AKAP9: variants seen among roughly 807,000 people sequenced by gnomAD.
AKAP9 encodes A-kinase anchor protein 9.
AKAP9 carries 311 observed loss-of-function variants against 488.5 expected under a neutral mutation model. That is an observed-to-expected ratio of 0.64 (90% CI 0.58 to 0.70). The LOEUF is 0.70. Ranked by LOEUF, AKAP9 falls within the 30% of genes least tolerant of loss-of-function variation. AKAP9 has a pLI of 0.00. For synonymous variants in AKAP9, 1,462 were observed against 1,483.5 expected (o/e 0.99, Z 0.33); for missense variants, 4,215 against 4,374.5 (o/e 0.96, Z 1.03).
At position 92,016,130 on chromosome 7, in the gene AKAP9, C is replaced by G. The variant is rs1180421954; in HGVS notation, c.3614C>G (p.Thr1205Ser). The stretch of plus-strand genomic sequence containing the variant: ...AATACACAATTTTGTTGTTAACAGA[C>G]TTTATGCAGTGTCCTTGGTGAATAT... The part of the protein sequence containing the change: ...VSEECSYFLQ[T>S]LCSVLGEYYT... The change falls in exon 11 of 50, where the codon ACT becomes AGT. Residue 1205 changes from threonine (T) to serine (S), a missense_variant and splice_region_variant. This residue lies in a region of AKAP9 where 2,361 missense variants were observed against 2,430.0 expected (regional missense o/e 0.97). Transcript: ENST00000356239. The G allele has an allele frequency of 1.2e-6, 2 of 1,601,458 alleles. No homozygotes were observed. The highest frequency in any genetic ancestry group is 2.2e-5 in the East Asian group (1 of 44,638).
Position 92,065,279 on chromosome 7 carries a change from A to G in AKAP9, c.6026A>G (p.Gln2009Arg), listed in dbSNP as rs780100627. 7 of 1,612,782 alleles carry G rather than the reference A, an allele frequency of 4.3e-6. No homozygotes were observed. The Admixed American group carries it at 5.0e-5, about 12-fold the overall frequency. ...EKLMKEKLEV[Q>R]CQAEKVRDDL... Reference sequence around the variant, plus strand: ...TTAATGAAGGAAAAACTAGAAGTACAATGTCAAGCTGAAAAAGTACGTGAT... The same window carrying G: ...TTAATGAAGGAAAAACTAGAAGTACGATGTCAAGCTGAAAAAGTACGTGAT... Residue 2009 changes from glutamine to arginine, a missense_variant, in exon 25 of 50, where the codon CAA becomes CGA. By Grantham distance (43) the Gln-to-Arg change is conservative. Around this residue, in one of 5 missense-constraint regions of AKAP9, gnomAD observed 2,361 missense variants for 2,430.0 expected, o/e 0.97. Coordinates refer to ENST00000356239, the MANE Select transcript of AKAP9 (RefSeq NM_005751.5).
Position 91,972,088 on chromosome 7 carries a change from C to T in AKAP9, c.49-1623C>T, listed in dbSNP as rs559851998. 6.4e-5 allele frequency among the ~76,000 whole-genome samples: 9 copies of T among 140,984 alleles called. No individual in the cohort carries two copies. In the East Asian group the frequency reaches 2.1e-3, roughly 33 times the overall value. 92.5% of individuals were successfully genotyped at this position (140,984 alleles called of 152,430 possible). A position where few individuals can be genotyped will look rare whatever the true frequency, so the allele number is the denominator to read the frequency against. On this transcript the variant is annotated intron_variant, in intron 1 of 49. Transcript: ENST00000356239. ...CCCAGTTTGCTTCAGTTCTAGTAAA[C>T]AATCAGTGTTATCCATCCTTGATCG... is the stretch of plus-strand genomic sequence containing the variant.
intron 1 of AKAP9, among the ~76,000 whole-genome samples, chr7:91,963,482 T>TCTCACACACACACACACA (rs375244495): frequency 2.7e-4 from 37 of 139,314 alleles, no homozygotes; most frequent in East Asian, 6.4e-4. Flanking sequence ...AACATATTTG[T>TCTCACACACACACACACA]CACACACACA....
rs375213627 is a variant in AKAP9 at position 92,101,073 on chromosome 7, A to T, written c.11097+17A>T. 1.1e-5 allele frequency: 17 copies of T among 1,609,036 alleles called. 1 individual carries two copies. The South Asian group carries it at 1.9e-4, about 18-fold the overall frequency. Reference sequence around the variant, plus strand: ...ACTTTAAAGGTAGGAGACATCTCCCATCTAAACATCACAGCTGGTTCTATG... The same window carrying T: ...ACTTTAAAGGTAGGAGACATCTCCCTTCTAAACATCACAGCTGGTTCTATG... On this transcript the variant is annotated intron_variant, in intron 45 of 49. Transcript: ENST00000356239.
At position 92,094,071 on chromosome 7, in the gene AKAP9, G is replaced by A. The variant is rs927609092; in HGVS notation, c.9578+755G>A. Among the ~76,000 whole-genome samples the A allele has an allele frequency of 1.1e-4, 16 of 151,738 alleles. No individual in the cohort carries two copies. In the South Asian group the frequency reaches 1.3e-3, roughly 12 times the overall value. On this transcript the variant is annotated intron_variant, in intron 39 of 49. Coordinates refer to ENST00000356239, the MANE Select transcript of AKAP9 (RefSeq NM_005751.5). ...TCACCATGTTGACCATGCTGGTCTCGCACTCCTGACCTCAGGTGACCCACC... is the reference window on the plus strand; with the variant it reads ...TCACCATGTTGACCATGCTGGTCTCACACTCCTGACCTCAGGTGACCCACC...
In AKAP9 at chr7:91,993,031, C is replaced by T; in HGVS notation, c.552C>T (p.Thr184=). The T allele has an allele frequency of 1.2e-6, 2 of 1,613,936 alleles. No homozygotes were observed. Among genetic ancestry groups the T allele is most frequent in the Non-Finnish European group, 1.7e-6 (2 of 1,179,934 alleles). ...GAGAGCTGGAAGAAATGAGGGTTACCTATGGGACTGAAGGACTGCAGCAGG... is the reference window on the plus strand; with the variant it reads ...GAGAGCTGGAAGAAATGAGGGTTACTTATGGGACTGAAGGACTGCAGCAGG... ...LNRELEEMRV[T]YGTEGLQQLQ... The change falls in exon 5 of 50, where the codon ACC becomes ACT. Residue 184 remains threonine (T), a synonymous_variant. Transcript: ENST00000356239.
intron 28 of AKAP9, among the ~76,000 whole-genome samples, chr7:92,073,950 A>T (rs1442490951): frequency 2.0e-5 from 3 of 152,236 alleles, no homozygotes; most frequent in African/African-American, 7.2e-5. Flanking sequence ...CATTCAGGAC[A>T]TAGGCATGGG....
intron 3 of AKAP9, among the ~76,000 whole-genome samples, chr7:91,985,868 C>T (rs765688705): frequency 7.2e-5 from 11 of 152,136 alleles, no homozygotes; most frequent in Non-Finnish European, 1.6e-4. Flanking sequence ...AAGCTGGTCT[C>T]GAACTCCTGA....
rs749703600 is a variant in AKAP9 at position 92,030,028 on chromosome 7, A to C, written c.4245+37A>C. ...TTAATTTTTATCTTTTAACTGTTAT[A>C]TACACTGATTTTTCTATCATTTTTA... On this transcript the variant is annotated intron_variant, in intron 15 of 49. Coordinates refer to ENST00000356239, the MANE Select transcript of AKAP9 (RefSeq NM_005751.5). 3.7e-6 allele frequency: 5 copies of C among 1,344,474 alleles called. No individual in the cohort carries two copies. The South Asian group carries it at 6.2e-5, about 17-fold the overall frequency. 83.3% of individuals were successfully genotyped at this position (1,344,474 alleles called of 1,614,324 possible).
At chr7:92,032,451 G>T (rs1370699140) in intron 16 of AKAP9, among the ~76,000 whole-genome samples, 1 of 148,154 alleles carries the variant, frequency 6.7e-6, no homozygotes, top group African/African-American at 2.5e-5. Context: ...AGCTGAGATC[G>T]CACCATTGTA....
intron 8 of AKAP9, 35 bp from the exon 9 acceptor site, chr7:92,012,394 A>G (rs763624980): frequency 6.5e-7 from 1 of 1,545,676 alleles, no homozygotes; most frequent in Non-Finnish European, 8.9e-7. Context: ...TTGTCATTTA[A>G]GAATATTATA....
intron 28 of AKAP9, 126 bp downstream of exon 28, chr7:92,071,135 C>T (rs1330909373): frequency 4.6e-6 from 4 of 861,900 alleles, no homozygotes; most frequent in Non-Finnish European, 7.7e-6. Context: ...TTTCTCAGCT[C>T]AATGCCAAAA....
intron 1 of AKAP9, among the ~76,000 whole-genome samples, chr7:91,954,962 G>T (rs1175013011): frequency 1.3e-5 from 2 of 152,210 alleles, no homozygotes; most frequent in African/African-American, 4.8e-5. Context: ...TCTGTAACAT[G>T]TTTAATAGGT....
intron 1 of AKAP9, among the ~76,000 whole-genome samples, chr7:91,946,095 A>T (rs1214044380): frequency 6.6e-6 from 1 of 152,192 alleles, no homozygotes; most frequent in East Asian, 1.9e-4. Context: ...AAAAAAAAGG[A>T]TGGTGCTCCA....
chr7:92,058,307 A>G (rs1200817167), intron 22 of AKAP9: 1 of 581,782 alleles, frequency 1.7e-6, no homozygotes, highest in Admixed American at 1.9e-5. Flanking sequence ...TTTGGATGAA[A>G]ATAACTCAGT....
At chr7:91,972,046 T>C (rs1056282431) in intron 1 of AKAP9, among the ~76,000 whole-genome samples, 5 of 142,038 alleles carry the variant, frequency 3.5e-5, no homozygotes, top group Non-Finnish European at 7.6e-5. Flanking sequence ...TAATATAATG[T>C]ATATGATGTC....
In AKAP9 at chr7:92,001,423, G is replaced by A. The variant is rs774379455; in HGVS notation, c.1506G>A (p.Leu502=). 6.2e-7 allele frequency: 1 copy of A among 1,613,768 alleles called. No homozygotes were observed. The highest frequency in any genetic ancestry group is 2.2e-5 in the East Asian group (1 of 44,872). Residue 502 remains leucine (L), a synonymous_variant, in exon 8 of 50, where the codon TTG becomes TTA. Coordinates refer to ENST00000356239, the MANE Select transcript of AKAP9 (RefSeq NM_005751.5). ...NVAINELNIK[L]QDTNSQKEKL... is the part of the protein sequence containing the mutation. ...CAATAAATGAACTGAATATAAAATT[G>A]CAAGATACTAACTCTCAAAAGGAAA...
Position 92,093,179 on chromosome 7 carries a change from A to C in AKAP9, c.9441A>C (p.Ala3147=), listed in dbSNP as rs370149608. Residue 3147 remains alanine (A), a synonymous_variant, in exon 39 of 50, where the codon GCA becomes GCC. Transcript: ENST00000356239. Reference sequence around the variant, plus strand: ...AGCTCAGCAGTATGAAAGACAGAGCAACGGAACTGCAGGAGCAGCTGAGTT... The same window carrying C: ...AGCTCAGCAGTATGAAAGACAGAGCCACGGAACTGCAGGAGCAGCTGAGTT... ...QVELSSMKDR[A]TELQEQLSSE... 6.2e-7 allele frequency: 1 copy of C among 1,614,092 alleles called. No individual in the cohort carries two copies. Among genetic ancestry groups the C allele is most frequent in the African/African-American group, 1.3e-5 (1 of 74,942 alleles).
chr7:92,007,646 C>A (rs1266562057), intron 8 of AKAP9, among the ~76,000 whole-genome samples: 2 of 152,192 alleles, frequency 1.3e-5, no homozygotes, highest in Non-Finnish European at 2.9e-5. Context: ...CTAGATTAAT[C>A]TGTAATCCTT....
Sources: gnomAD v4.1 joint callset for allele counts (sites outside exome capture counted in the v4.1 genomes callset) on GRCh38, gnomAD v4.1.1 for gene constraint, gnomAD v4.1.1 regional missense constraint, MANE v1.5 for transcripts, NCBI Gene and HGNC (gene_info 2026-07-23, HGNC 2026-07-21) for gene names.